ESYT2: variants seen among roughly 807,000 people sequenced by gnomAD.
The protein encoded by ESYT2 is extended synaptotagmin 2.
A neutral mutation model predicts 107.2 loss-of-function variants in ESYT2; 54 were observed. The ratio of observed to expected loss-of-function variants is 0.50; its 90% CI spans 0.40 to 0.63. The LOEUF (loss-of-function observed/expected upper bound fraction) is 0.63, where lower values mean the gene tolerates loss of function less well. Among genes scored for constraint, ESYT2 ranks in the 30% least tolerant of loss-of-function variants. ESYT2 has a pLI of 0.00. For missense variants in ESYT2, 1,020 were observed against 1,094.5 expected (o/e 0.93, Z 0.96); for synonymous variants, 491 against 434.1 (o/e 1.13, Z -1.63).
At chr7:158,809,336 C>T (rs775444466) in intron 1 of ESYT2, among the ~76,000 whole-genome samples, 3 of 151,620 alleles carry the variant, frequency 2.0e-5, no homozygotes, top group Admixed American at 6.6e-5. Flanking sequence ...AGTAGCTGGG[C>T]GTGGTGGCGT....
chr7:158,828,900 C>G (rs1463806766), intron 1 of ESYT2, among the ~76,000 whole-genome samples, 189 bp downstream of exon 1: 1 of 144,864 alleles, frequency 6.9e-6, no homozygotes, highest in African/African-American at 2.5e-5. Context: ...GGGGTCTGCA[C>G]TCGCCCAGGC....
At chr7:158,802,960 AC>A (rs1450097371) in intron 1 of ESYT2, among the ~76,000 whole-genome samples, 1 of 152,234 alleles carries the variant, frequency 6.6e-6, no homozygotes, top group East Asian at 1.9e-4. Flanking sequence ...ATGCTGCATA[AC>A]CCTTTAGGCA....
chr7:158,816,353 T>A (rs972081223), intron 1 of ESYT2, among the ~76,000 whole-genome samples: 1 of 152,146 alleles, frequency 6.6e-6, no homozygotes, highest in African/African-American at 2.4e-5. Flanking sequence ...GCAGCCTCAA[T>A]CCTTGTCTAA....
chr7:158,815,893 G>A (rs180816712), intron 1 of ESYT2, among the ~76,000 whole-genome samples: 1 of 152,354 alleles, frequency 6.6e-6, no homozygotes, highest in African/African-American at 2.4e-5. Flanking sequence ...TTTCTGAGAT[G>A]TTACGGCACG....
intron 8 of ESYT2, among the ~76,000 whole-genome samples, chr7:158,767,428 G>A (rs1175345451): frequency 2.0e-5 from 3 of 152,168 alleles, no homozygotes; most frequent in Non-Finnish European, 4.4e-5. Context: ...ACACAGCTAT[G>A]GGGTGAGAAT....
At chr7:158,748,323 G>A in intron 15 of ESYT2, 43 bp from the exon 16 acceptor site, 1 of 1,458,772 alleles carries the variant, frequency 6.9e-7, no homozygotes, top group South Asian at 1.1e-5. Flanking sequence ...ATTTTCTGTG[G>A]AAAAGGGCTA....
intron 12 of ESYT2, 70 bp downstream of exon 12, chr7:158,759,988 T>G: frequency 4.2e-6 from 6 of 1,431,028 alleles, no homozygotes; most frequent in Non-Finnish European, 5.9e-6. Flanking sequence ...GCAACACAAC[T>G]GAGAGACCAA....
At chr7:158,822,624 A>C (rs1002364807) in intron 1 of ESYT2, among the ~76,000 whole-genome samples, 3 of 151,960 alleles carry the variant, frequency 2.0e-5, no homozygotes, top group East Asian at 3.9e-4. Flanking sequence ...ATGTTCAAAT[A>C]TATAAAATTA....
intron 13 of ESYT2, among the ~76,000 whole-genome samples, chr7:158,754,421 C>A (rs1360218631): frequency 1.3e-5 from 2 of 151,926 alleles, no homozygotes; most frequent in East Asian, 3.9e-4. Flanking sequence ...CCATGTTGGC[C>A]AGGATGGTCT....
intron 16 of ESYT2, 80 bp downstream of exon 16, chr7:158,748,114 G>T: frequency 1.5e-6 from 2 of 1,300,128 alleles, no homozygotes; most frequent in East Asian, 2.4e-5. Flanking sequence ...GTGTATACAC[G>T]GGTCACAACT....
intron 1 of ESYT2, among the ~76,000 whole-genome samples, chr7:158,822,307 G>GT (rs1255258405): frequency 6.6e-6 from 1 of 152,194 alleles, no homozygotes; most frequent in Non-Finnish European, 1.5e-5. Flanking sequence ...TCAAACATAT[G>GT]TGATGATTAT....
chr7:158,808,301 GACAC>G (rs1839892952), intron 1 of ESYT2, among the ~76,000 whole-genome samples: 1 of 152,232 alleles, frequency 6.6e-6, no homozygotes, highest in African/African-American at 2.4e-5. Flanking sequence ...TCCAGCTCGA[GACAC>G]GAGCCCCGTC....
In ESYT2 at chr7:158,797,966, G is replaced by A; in HGVS notation, c.483C>T (p.Phe161=). 1 of 1,614,026 alleles carries A rather than the reference G, an allele frequency of 6.2e-7. No individual in the cohort carries two copies. The highest frequency in any genetic ancestry group is 8.5e-7 in the Non-Finnish European group (1 of 1,179,916). ...GANTHLSTFS[F]TKVDVGQQPL... ...CCTGCTGGCCCACGTCGACCTTCGT[G>A]AAACTAAAGGTGCTAAGGTGGGTGT... The change falls in exon 3 of 23, where the codon TTC becomes TTT. Residue 161 remains phenylalanine (F), a synonymous_variant. Transcript: ENST00000275418.
chr7:158,787,867 C>T, intron 6 of ESYT2, 137 bp downstream of exon 6: 1 of 624,662 alleles, frequency 1.6e-6, no homozygotes, highest in South Asian at 2.3e-5. Context: ...ATACAAAAAA[C>T]TCCCACAGGA....
intron 14 of ESYT2, among the ~76,000 whole-genome samples, chr7:158,750,869 C>T (rs1261029064): frequency 1.3e-5 from 2 of 152,182 alleles, no homozygotes; most frequent in African/African-American, 2.4e-5. Flanking sequence ...TGTGTCCCCT[C>T]GGGCTGGAGC....
intron 4 of ESYT2, 30 bp downstream of exon 4, chr7:158,793,620 A>G (rs371356082): frequency 1.3e-6 from 2 of 1,526,070 alleles, no homozygotes; most frequent in African/African-American, 1.4e-5. Context: ...GCCATTAACC[A>G]TAACACAAAT....
chr7:158,736,999 C>T (rs930952685), intron 20 of ESYT2, 49 bp downstream of exon 20: 1 of 1,604,868 alleles, frequency 6.2e-7, no homozygotes, highest in Non-Finnish European at 8.5e-7. Context: ...CCTTCTTAAT[C>T]CGTCACTTCA....
At chr7:158,788,715 TG>T (rs1319105327) in intron 4 of ESYT2, among the ~76,000 whole-genome samples, 1 of 152,252 alleles carries the variant, frequency 6.6e-6, no homozygotes, top group African/African-American at 2.4e-5. Context: ...TAAATGTCCA[TG>T]TTCAAAAGAA....
chr7:158,772,134 A>G (rs1838396030), intron 7 of ESYT2, among the ~76,000 whole-genome samples: 2 of 152,032 alleles, frequency 1.3e-5, no homozygotes, highest in Admixed American at 1.3e-4. Context: ...AAAAAAAAAA[A>G]GAAACTTACT....
Sources: allele counts gnomAD v4.1 joint callset (sites outside exome capture counted in the v4.1 genomes callset), GRCh38; gene constraint gnomAD v4.1.1; transcripts MANE v1.5; gene names NCBI Gene and HGNC (gene_info 2026-07-23, HGNC 2026-07-21).